Variants in RPS6KC1 observed in about 807,000 individuals in gnomAD.
RPS6KC1 encodes ribosomal protein S6 kinase C1.
Under a neutral mutation model 103.8 loss-of-function variants are expected in RPS6KC1, and 54 were observed. The ratio of observed to expected loss-of-function variants is 0.52; its 90% confidence interval spans 0.42 to 0.65. The LOEUF is 0.65. Ranked by LOEUF, RPS6KC1 falls within the 30% of genes least tolerant of loss-of-function variation. The pLI is 0.00. For synonymous variants in RPS6KC1, 439 were observed against 438.7 expected (o/e 1.00, Z -0.01); for missense variants, 1,151 against 1,253.8 (o/e 0.92, Z 1.24).
chr1:213,720,965 C>T, the RPS6KC1 span, among the ~76,000 whole-genome samples: 1 of 152,152 alleles, frequency 6.6e-6, no homozygotes, highest in Non-Finnish European at 1.5e-5. Context: ...ATTTAACATT[C>T]TGGTTTCAGG....
At chr1:213,606,710 G>A in the RPS6KC1 span, among the ~76,000 whole-genome samples, 8 of 152,178 alleles carry the variant, frequency 5.3e-5, no homozygotes, top group East Asian at 1.9e-4. Flanking sequence ...AAGGGAGTTC[G>A]TGTGAGATGC....
the RPS6KC1 span, among the ~76,000 whole-genome samples, chr1:213,417,004 T>G: frequency 6.6e-6 from 1 of 152,178 alleles, no homozygotes; most frequent in South Asian, 2.1e-4. Context: ...CCCTGTGCAC[T>G]TTGGGGCAAA....
the RPS6KC1 span, among the ~76,000 whole-genome samples, chr1:213,847,128 A>G: frequency 6.6e-6 from 1 of 152,192 alleles, no homozygotes; most frequent in Non-Finnish European, 1.5e-5. Context: ...GCTGCAGTAC[A>G]ATTATTGAAG....
chr1:213,633,299 A>G, the RPS6KC1 span, among the ~76,000 whole-genome samples: 1 of 152,210 alleles, frequency 6.6e-6, no homozygotes, highest in Non-Finnish European at 1.5e-5. Context: ...AGCCAGAGAG[A>G]AAGGTCAGGT....
chr1:213,804,400 T>C, the RPS6KC1 span, among the ~76,000 whole-genome samples: 2,920 of 152,192 alleles, frequency 0.019, 114 homozygotes, highest in African/African-American at 0.067. Context: ...AGGCCTCCTT[T>C]CTATTCTGAA....
chr1:213,651,903 A>G, the RPS6KC1 span, among the ~76,000 whole-genome samples: 1 of 152,146 alleles, frequency 6.6e-6, no homozygotes, highest in Non-Finnish European at 1.5e-5. Flanking sequence ...TCCTGCCTTC[A>G]TTTGGATTCA....
the RPS6KC1 span, among the ~76,000 whole-genome samples, chr1:213,702,398 G>C: frequency 6.6e-6 from 1 of 151,880 alleles, no homozygotes; most frequent in African/African-American, 2.4e-5. Context: ...TGTAGCTGTT[G>C]GATGAAATAT....
chr1:213,739,521 G>C, the RPS6KC1 span, among the ~76,000 whole-genome samples: 1 of 152,038 alleles, frequency 6.6e-6, no homozygotes, highest in African/African-American at 2.4e-5. Flanking sequence ...AGAGAATTCC[G>C]CAGGTTCTTC....
At chr1:213,676,487 A>T in the RPS6KC1 span, among the ~76,000 whole-genome samples, 1 of 152,186 alleles carries the variant, frequency 6.6e-6, no homozygotes, top group Non-Finnish European at 1.5e-5. Flanking sequence ...ACGGAAGGAG[A>T]GGATGTCTTC....
At chr1:213,573,723 A>G in the RPS6KC1 span, among the ~76,000 whole-genome samples, 116 of 152,334 alleles carry the variant, frequency 7.6e-4, no homozygotes, top group African/African-American at 2.4e-3. Flanking sequence ...CTGTTGCTAG[A>G]CGGTGGTGCC....
At chr1:213,494,581 G>A in the RPS6KC1 span, among the ~76,000 whole-genome samples, 1 of 152,102 alleles carries the variant, frequency 6.6e-6, no homozygotes, top group East Asian at 1.9e-4. Context: ...ATTGTTTTGA[G>A]AGACAAATGT....
intron 12 of RPS6KC1, 87 bp downstream of exon 12, chr1:213,242,745 C>A: frequency 9.8e-7 from 1 of 1,019,584 alleles, no homozygotes; most frequent in Non-Finnish European, 1.5e-6. Flanking sequence ...TTGTATTGTT[C>A]ACTAGCAGTT....
At chr1:213,444,911 C>T in the RPS6KC1 span, among the ~76,000 whole-genome samples, 3 of 152,074 alleles carry the variant, frequency 2.0e-5, no homozygotes, top group African/African-American at 4.8e-5. Flanking sequence ...AATGACTTTT[C>T]GTTTATTCAC....
intron 6 of RPS6KC1, among the ~76,000 whole-genome samples, chr1:213,152,720 A>G (rs2089342720): frequency 2.3e-5 from 3 of 128,362 alleles, no homozygotes; most frequent in Non-Finnish European, 5.0e-5. Context: ...CCTAGGTGGG[A>G]TGGCGGCCGG....
chr1:213,311,328 C>T, the RPS6KC1 span, among the ~76,000 whole-genome samples: 8 of 152,076 alleles, frequency 5.3e-5, no homozygotes, highest in South Asian at 1.7e-3. Flanking sequence ...TTAGTAGAGA[C>T]GGGGTTTCAC....
At chr1:213,149,050 T>C (rs2088254835) in intron 6 of RPS6KC1, among the ~76,000 whole-genome samples, 1 of 152,186 alleles carries the variant, frequency 6.6e-6, no homozygotes, top group Non-Finnish European at 1.5e-5. Flanking sequence ...ATTTTATTTA[T>C]TTGTATATTC....
intron 8 of RPS6KC1, among the ~76,000 whole-genome samples, chr1:213,182,868 A>G (rs1177967225): frequency 6.8e-6 from 1 of 147,444 alleles, no homozygotes; most frequent in Non-Finnish European, 1.5e-5. Flanking sequence ...ATATGTATAT[A>G]TATCATATAT....
the RPS6KC1 span, among the ~76,000 whole-genome samples, chr1:213,470,176 C>T: frequency 0.042 from 6,398 of 152,288 alleles, 424 homozygotes; most frequent in African/African-American, 0.14. Flanking sequence ...AAGGTTCACA[C>T]GTCACACTTA....
chr1:213,602,106 TTC>T, the RPS6KC1 span, among the ~76,000 whole-genome samples: 1 of 34,654 alleles, frequency 2.9e-5, no homozygotes, highest in African/African-American at 1.5e-4. Context: ...CTTTCTTTCT[TTC>T]TTTCTTTCTT....
Sources: allele counts gnomAD v4.1 joint callset (sites outside exome capture counted in the v4.1 genomes callset), GRCh38; gene constraint gnomAD v4.1.1; transcripts MANE v1.5; gene names NCBI Gene and HGNC (gene_info 2026-07-23, HGNC 2026-07-21).